PPP1R3G: variants seen among roughly 807,000 people sequenced by gnomAD.
PPP1R3G encodes the protein protein phosphatase 1 regulatory subunit 3G.
Under a neutral mutation model 2.0 loss-of-function variants are expected in PPP1R3G, and 3 were observed. The ratio of observed to expected loss-of-function variants is 1.47; its 90% confidence interval spans 0.67 to 3.81. The LOEUF is 3.81. PPP1R3G is among the 30% of genes most tolerant of loss of function. The pLI is 0.02. For missense variants in PPP1R3G, 595 were observed against 517.0 expected (o/e 1.15, Z -1.46); for synonymous variants, 267 against 250.9 (o/e 1.06, Z -0.61).
rs1288824540 is a variant in PPP1R3G, at chr6:5,085,842, C to T, written c.357C>T (p.Leu119=). ...GCGAGGGGGCGGAGGACGCACAGCTCGGCCCGGGCGGCTGCTGCGCCAAGT... is the reference window on the plus strand; with the variant it reads ...GCGAGGGGGCGGAGGACGCACAGCTTGGCCCGGGCGGCTGCTGCGCCAAGT... ...LGGEGAEDAQ[L]GPGGCCAKCK... Residue 119 remains leucine, a synonymous_variant, in exon 1 of 1, where the codon CTC becomes CTT. Coordinates refer to ENST00000405617, the MANE Select transcript of PPP1R3G (RefSeq NM_001145115.3). 1 of 1,528,360 alleles carries T rather than the reference C, an allele frequency of 6.5e-7. No homozygotes were observed. Among genetic ancestry groups the T allele is most frequent in the African/African-American group, 1.4e-5 (1 of 72,060 alleles). The allele number at this position is 1,528,360 out of a possible 1,614,324, so 94.7% of individuals were successfully genotyped here. A position where few individuals can be genotyped will look rare whatever the true frequency, so the allele number is the denominator to read the frequency against.
chr6:5,085,724 G>C lies in PPP1R3G; in HGVS notation c.239G>C (p.Cys80Ser), dbSNP rs1221922656. 1 of 1,545,228 alleles carries C rather than the reference G, an allele frequency of 6.5e-7. No individual in the cohort carries two copies. Among genetic ancestry groups the C allele is most frequent in the East Asian group, 2.5e-5 (1 of 40,716 alleles). Residue 80 changes from cysteine (C) to serine (S), a missense_variant, in exon 1 of 1, where the codon TGC becomes TCC. Coordinates refer to ENST00000405617, the MANE Select transcript of PPP1R3G (RefSeq NM_001145115.3). ...GAGCTGCTGGAATGCCGCCGCCGCT[G>C]CCGCGCGCGCTCCTTTTCCTTGCCC... ...QEELLECRRRCRARSFSLPAD... is the reference protein window; with the variant it reads ...QEELLECRRRSRARSFSLPAD...
rs1184923581 is a variant in PPP1R3G, at chr6:5,085,611, T to A, written c.126T>A (p.Gly42=). The A allele has an allele frequency of 6.5e-7, 1 of 1,547,126 alleles. No homozygotes were observed. Among genetic ancestry groups the A allele is most frequent in the African/African-American group, 1.4e-5 (1 of 72,958 alleles). ...VPCVQGGGDG[G]GASETPSPDA... ...GTGTGCAGGGTGGCGGCGACGGCGG[T>A]GGCGCTTCGGAGACCCCGAGTCCTG... Residue 42 remains glycine, a synonymous_variant, in exon 1 of 1, where the codon GGT becomes GGA. Coordinates refer to ENST00000405617, the MANE Select transcript of PPP1R3G (RefSeq NM_001145115.3).
chr6:5,086,277 G>A lies in PPP1R3G; in HGVS notation c.792G>A (p.Pro264=), dbSNP rs764410177. 2 of 1,535,558 alleles carry A rather than the reference G, an allele frequency of 1.3e-6. No individual in the cohort carries two copies. Among genetic ancestry groups the A allele is most frequent in the South Asian group, 1.2e-5 (1 of 84,056 alleles). Residue 264 remains proline, a synonymous_variant, in exon 1 of 1, where the codon CCG becomes CCA. Coordinates refer to ENST00000405617, the MANE Select transcript of PPP1R3G (RefSeq NM_001145115.3). ...FTEWRSFLDV[P]AELQPEPLEP... is the part of the protein sequence containing the mutation. ...AGTGGCGCTCCTTCCTGGACGTGCC[G>A]GCTGAGCTGCAGCCCGAGCCGCTGG...
Position 5,086,577 on chromosome 6 carries a change from G to A in PPP1R3G, c.*15G>A, listed in dbSNP as rs965918143. The A allele has an allele frequency of 2.0e-6, 3 of 1,489,890 alleles. No individual in the cohort carries two copies. The highest frequency in any genetic ancestry group is 4.4e-5 in the Admixed American group (2 of 45,950). The allele number at this position is 1,489,890 out of a possible 1,614,324, so 92.3% of individuals were successfully genotyped here. On this transcript the variant is annotated 3_prime_UTR_variant, in exon 1 of 1. Coordinates refer to ENST00000405617, the MANE Select transcript of PPP1R3G (RefSeq NM_001145115.3). Reference sequence around the variant, plus strand: ...ACGCGCTCTGAGCCTGGAGAGTTTCGAAGAGCCGTGGGGCGGGGTTGATTA... The same window carrying A: ...ACGCGCTCTGAGCCTGGAGAGTTTCAAAGAGCCGTGGGGCGGGGTTGATTA...
rs1024916021 is a variant in PPP1R3G at position 5,088,857 on chromosome 6, C to T, written c.*2295C>T. On this transcript the variant is annotated 3_prime_UTR_variant, in exon 1 of 1. Transcript: ENST00000405617. ...TCAGGCAGGGGAATCTACCTGTTGC[C>T]TTCTTTCACCTAAAAAAATAGTAAC... 3.3e-5 allele frequency: 5 copies of T among 152,182 alleles called. No individual in the cohort carries two copies. Among genetic ancestry groups the T allele is most frequent in the African/African-American group, 1.2e-4 (5 of 41,438 alleles). The allele number at this position is 152,182 out of a possible 1,614,324, so 9.4% of individuals were successfully genotyped here. A position where few individuals can be genotyped will look rare whatever the true frequency, so the allele number is the denominator to read the frequency against.
chr6:5,085,695 G>A lies in PPP1R3G; in HGVS notation c.210G>A (p.Gln70=), dbSNP rs1761974811. 6.5e-7 allele frequency: 1 copy of A among 1,547,980 alleles called. No individual in the cohort carries two copies. Among genetic ancestry groups the A allele is most frequent in the Non-Finnish European group, 8.7e-7 (1 of 1,146,214 alleles). ...SPKEEAAPQE[Q]EELLECRRRC... is the part of the protein sequence containing the mutation. Reference sequence around the variant, plus strand: ...AGGAAGAGGCCGCCCCCCAGGAGCAGGAGGAGCTGCTGGAATGCCGCCGCC... The same window carrying A: ...AGGAAGAGGCCGCCCCCCAGGAGCAAGAGGAGCTGCTGGAATGCCGCCGCC... Residue 70 remains glutamine, a synonymous_variant, in exon 1 of 1, where the codon CAG becomes CAA. Transcript: ENST00000405617.
In PPP1R3G at chr6:5,086,022, G is replaced by T. The variant is rs181321816; in HGVS notation, c.537G>T (p.Gly179=). 2.0e-6 allele frequency: 3 copies of T among 1,493,978 alleles called. No individual in the cohort carries two copies. The highest frequency in any genetic ancestry group is 8.9e-7 in the Non-Finnish European group (1 of 1,128,768). The allele number at this position is 1,493,978 out of a possible 1,614,324, so 92.5% of individuals were successfully genotyped here. The change falls in exon 1 of 1, where the codon GGG becomes GGT. Residue 179 remains glycine (G), a synonymous_variant. Coordinates refer to ENST00000405617, the MANE Select transcript of PPP1R3G (RefSeq NM_001145115.3). ...MRAEDLEQLG[G]LLAAAAVAAP... ...CCGAGGACCTGGAGCAGCTCGGGGG[G>T]CTGCTGGCCGCGGCGGCAGTGGCCG... is the stretch of plus-strand genomic sequence containing the variant.
chr6:5,089,386 A>G lies in PPP1R3G; in HGVS notation c.*2824A>G, dbSNP rs1291957875. 1 of 152,226 alleles carries G rather than the reference A, an allele frequency of 6.6e-6. No individual in the cohort carries two copies. The allele number at this position is 152,226 out of a possible 1,614,324, so 9.4% of individuals were successfully genotyped here. On this transcript the variant is annotated 3_prime_UTR_variant, in exon 1 of 1. Transcript: ENST00000405617. The stretch of plus-strand genomic sequence containing the variant: ...ATTGACAGTATACATATGCTATAAC[A>G]TTGTTTGAAAATGCTTGTTTGTGGG...
chr6:5,086,811 A>C lies in PPP1R3G; in HGVS notation c.*249A>C. On this transcript the variant is annotated 3_prime_UTR_variant, in exon 1 of 1. Transcript: ENST00000405617. ...GTCTTCTCGTCCGTTTGACCTTCCT[A>C]CAAGGCCTCTAGAATTCCCAGCCTG... 1 of 529,776 alleles carries C rather than the reference A, an allele frequency of 1.9e-6. No homozygotes were observed. Among genetic ancestry groups the C allele is most frequent in the Non-Finnish European group, 3.3e-6 (1 of 303,168 alleles). The allele number at this position is 529,776 out of a possible 1,614,324, so 32.8% of individuals were successfully genotyped here.
rs1197364910 is a variant in PPP1R3G, at chr6:5,085,693, C to A, written c.208C>A (p.Gln70Lys). The change falls in exon 1 of 1, where the codon CAG (glutamine) becomes AAG (lysine). Residue 70 changes from glutamine (Q) to lysine (K), a missense_variant. Transcript: ENST00000405617. The stretch of plus-strand genomic sequence containing the variant: ...GAAGGAAGAGGCCGCCCCCCAGGAG[C>A]AGGAGGAGCTGCTGGAATGCCGCCG... ...SPKEEAAPQE[Q>K]EELLECRRRC... 3.9e-6 allele frequency: 6 copies of A among 1,547,878 alleles called. No homozygotes were observed. Among genetic ancestry groups the A allele is most frequent in the Non-Finnish European group, 5.2e-6 (6 of 1,146,234 alleles).
rs1355359436 is a variant in PPP1R3G at position 5,087,457 on chromosome 6, A to C, written c.*895A>C. 1 of 152,320 alleles carries C rather than the reference A, an allele frequency of 6.6e-6. No homozygotes were observed. Among genetic ancestry groups the C allele is most frequent in the East Asian group, 1.9e-4 (1 of 5,192 alleles). The allele number at this position is 152,320 out of a possible 1,614,324, so 9.4% of individuals were successfully genotyped here. A position where few individuals can be genotyped will look rare whatever the true frequency, so the allele number is the denominator to read the frequency against. On this transcript the variant is annotated 3_prime_UTR_variant, in exon 1 of 1. Transcript: ENST00000405617. Reference sequence around the variant, plus strand: ...CGAATTAAGACGTTTGGTGAATTGAAATGCCAGTCCTCGGGCAGGCCCTGG... The same window carrying C: ...CGAATTAAGACGTTTGGTGAATTGACATGCCAGTCCTCGGGCAGGCCCTGG...
rs1050042676 is a variant in PPP1R3G, at chr6:5,085,510, A to C, written c.25A>C (p.Ser9Arg). 5.9e-6 allele frequency: 9 copies of C among 1,537,332 alleles called. No homozygotes were observed. The highest frequency in any genetic ancestry group is 7.9e-6 in the Non-Finnish European group (9 of 1,145,894). Residue 9 changes from serine to arginine, a missense_variant, in exon 1 of 1, where the codon AGT (serine) becomes CGT (arginine). Physicochemically the swap from Ser to Arg is moderately radical, Grantham distance 110. Transcript: ENST00000405617. MEPIGARL[S>R]LEAPGPAPFR... ...CATGGAGCCCATAGGGGCGCGGCTA[A>C]GTTTGGAGGCGCCGGGACCAGCGCC...
Position 5,085,415 on chromosome 6 carries a change from G to C in PPP1R3G, c.-71G>C, listed in dbSNP as rs1161916063. 1.3e-5 allele frequency: 15 copies of C among 1,167,204 alleles called. No individual in the cohort carries two copies. The highest frequency in any genetic ancestry group is 3.1e-5 in the African/African-American group (2 of 63,694). The allele number at this position is 1,167,204 out of a possible 1,614,324, so 72.3% of individuals were successfully genotyped here. On this transcript the variant is annotated 5_prime_UTR_variant, in exon 1 of 1. Coordinates refer to ENST00000405617, the MANE Select transcript of PPP1R3G (RefSeq NM_001145115.3). ...AACTGCAGCCCTGCGCTCCTTCCAC[G>C]GCCCGAGGAGTTAGTTAAGTCTCCA...
In PPP1R3G at chr6:5,086,226, C is replaced by T. The variant is rs1171804944; in HGVS notation, c.741C>T (p.Ala247=). 12 of 1,535,324 alleles carry T rather than the reference C, an allele frequency of 7.8e-6. No homozygotes were observed. Among genetic ancestry groups the T allele is most frequent in the African/African-American group, 4.1e-5 (3 of 73,012 alleles). The change falls in exon 1 of 1, where the codon GCC becomes GCT. Residue 247 remains alanine, a synonymous_variant. Coordinates refer to ENST00000405617, the MANE Select transcript of PPP1R3G (RefSeq NM_001145115.3). The part of the protein sequence containing the change: ...GRVLSCPGPR[A]VTVRYTFTEW... ...TGCTCAGCTGCCCTGGGCCCAGGGC[C>T]GTGACCGTGCGCTACACCTTTACCG...
chr6:5,085,391 A>ACTG lies in PPP1R3G; in HGVS notation c.-93_-91dup. 1.1e-6 allele frequency: 1 copy of ACTG among 905,148 alleles called. No individual in the cohort carries two copies. The highest frequency in any genetic ancestry group is 1.7e-5 in the South Asian group (1 of 57,860). 56.1% of individuals were successfully genotyped at this position (905,148 alleles called of 1,614,324 possible). On this transcript the variant is annotated 5_prime_UTR_variant, in exon 1 of 1. Transcript: ENST00000405617. ...CTCGCCTCGGGGAGGGCGAGCCTGA[A>ACTG]CTGCAGCCCTGCGCTCCTTCCACGG...
In PPP1R3G at chr6:5,085,373, C is replaced by T. The variant is rs374531884; in HGVS notation, c.-113C>T. ...TTGTCGAGCCTGGGGCGACTCGCCT[C>T]GGGGAGGGCGAGCCTGAACTGCAGC... On this transcript the variant is annotated 5_prime_UTR_variant, in exon 1 of 1. Coordinates refer to ENST00000405617, the MANE Select transcript of PPP1R3G (RefSeq NM_001145115.3). 3 of 760,418 alleles carry T rather than the reference C, an allele frequency of 3.9e-6. No homozygotes were observed. The Admixed American group carries it at 8.9e-5, about 23-fold the overall frequency. 47.1% of individuals were successfully genotyped at this position (760,418 alleles called of 1,614,324 possible). A position where few individuals can be genotyped will look rare whatever the true frequency, so the allele number is the denominator to read the frequency against.
At position 5,085,503 on chromosome 6, in the gene PPP1R3G, G is replaced by T. The variant is rs1442135797; in HGVS notation, c.18G>T (p.Ala6=). 2.6e-6 allele frequency: 4 copies of T among 1,536,772 alleles called. No homozygotes were observed. Among genetic ancestry groups the T allele is most frequent in the Admixed American group, 2.0e-5 (1 of 50,862 alleles). Reference sequence around the variant, plus strand: ...ACGGCGTCATGGAGCCCATAGGGGCGCGGCTAAGTTTGGAGGCGCCGGGAC... The same window carrying T: ...ACGGCGTCATGGAGCCCATAGGGGCTCGGCTAAGTTTGGAGGCGCCGGGAC... MEPIG[A]RLSLEAPGPA... is the part of the protein sequence containing the mutation. The change falls in exon 1 of 1, where the codon GCG becomes GCT. Residue 6 remains alanine (A), a synonymous_variant. Transcript: ENST00000405617.
chr6:5,088,100 A>C lies in PPP1R3G; in HGVS notation c.*1538A>C, dbSNP rs183091983. 940 of 145,636 alleles carry C rather than the reference A, an allele frequency of 6.5e-3. 2 individuals carry two copies. The highest frequency in any genetic ancestry group is 0.017 in the Middle Eastern group (5 of 290). 9.0% of individuals were successfully genotyped at this position (145,636 alleles called of 1,614,324 possible). A position where few individuals can be genotyped will look rare whatever the true frequency, so the allele number is the denominator to read the frequency against. ...TTTTTATTTTTAATTTAATTTTCTT[A>C]TTATTATTTTTCGAGACGGAGTTTC... On this transcript the variant is annotated 3_prime_UTR_variant, in exon 1 of 1. Transcript: ENST00000405617.
rs980298086 is a variant in PPP1R3G at position 5,085,628 on chromosome 6, C to T, written c.143C>T (p.Pro48Leu). The change falls in exon 1 of 1, where the codon CCG (proline) becomes CTG (leucine). Residue 48 changes from proline (P) to leucine (L), a missense_variant. By Grantham distance (98) the Pro-to-Leu change is moderately conservative. Coordinates refer to ENST00000405617, the MANE Select transcript of PPP1R3G (RefSeq NM_001145115.3). ...GGDGGGASET[P>L]SPDAQLGDRP... is the part of the protein sequence containing the mutation. Reference sequence around the variant, plus strand: ...GACGGCGGTGGCGCTTCGGAGACCCCGAGTCCTGACGCTCAGCTAGGGGAT... The same window carrying T: ...GACGGCGGTGGCGCTTCGGAGACCCTGAGTCCTGACGCTCAGCTAGGGGAT... The T allele has an allele frequency of 6.5e-7, 1 of 1,548,472 alleles. No homozygotes were observed. Among genetic ancestry groups the T allele is most frequent in the Non-Finnish European group, 8.7e-7 (1 of 1,146,568 alleles).
Sources: allele counts gnomAD v4.1 joint callset, GRCh38; gene constraint gnomAD v4.1.1; transcripts MANE v1.5; gene names NCBI Gene and HGNC (gene_info 2026-07-23, HGNC 2026-07-21).